Variants in ANO10 observed in about 807,000 individuals in gnomAD.
ANO10 encodes the protein anoctamin 10, also known as anoctamin-10.
A neutral mutation model predicts 74.7 loss-of-function variants in ANO10; 77 were observed. The ratio of observed to expected loss-of-function variants is 1.03; its 90% CI spans 0.86 to 1.25. The LOEUF (loss-of-function observed/expected upper bound fraction) is 1.25. Ranked by LOEUF, ANO10 falls within the 50% of genes most tolerant of loss-of-function variation. The pLI is 0.00. For missense variants in ANO10, 721 were observed against 778.1 expected, an observed-to-expected ratio of 0.93 and a Z score of 0.87; for synonymous variants, 279 against 284.9, an observed-to-expected ratio of 0.98 and a Z score of 0.21.
chr3:43,565,975 CGCGCACCGTGT>C (rs986121842), intron 7 of ANO10, among the ~76,000 whole-genome samples: 6 of 152,220 alleles, frequency 3.9e-5, no homozygotes, highest in African/African-American at 1.2e-4. Context: ...TCAGTGGGTG[CGCGCACCGTGT>C]GCGAGCCGAA....
intron 12 of ANO10, among the ~76,000 whole-genome samples, chr3:43,382,310 G>T (rs375108637): frequency 5.9e-5 from 9 of 152,244 alleles, no homozygotes; most frequent in East Asian, 3.9e-4. Context: ...ACGAGGTCAG[G>T]AGATCGAGAC....
At chr3:43,562,455 C>CAAAAAAAAAAAAAAAAAAA (rs1169816392) in intron 8 of ANO10, among the ~76,000 whole-genome samples, 16 of 69,920 alleles carry the variant, frequency 2.3e-4, no homozygotes, top group African/African-American at 4.6e-4. Flanking sequence ...CTGTCTCAAA[C>CAAAAAAAAAAAAAAAAAAA]AAAAAAAAAA....
rs1479816150 is a variant in ANO10, at chr3:43,490,012, C to A, written c.1798-57285G>T. ...CAGTATCCTTTGCATCAAAATAATG[C>A]CTTAAGGGTTCAGAAGTCCTTGAAT... On this transcript the variant is annotated intron_variant, in intron 11 of 12. Transcript: ENST00000292246. Among the ~76,000 whole-genome samples, 4 of 152,106 alleles carry A rather than the reference C, an allele frequency of 2.6e-5. No individual in the cohort carries two copies. In the East Asian group the frequency reaches 7.7e-4, roughly 29 times the overall value.
intron 1 of ANO10, among the ~76,000 whole-genome samples, chr3:43,660,310 G>C (rs2083911347): frequency 6.6e-6 from 1 of 152,164 alleles, no homozygotes; most frequent in South Asian, 2.1e-4. Flanking sequence ...CAAGCTAAAG[G>C]AGCATGTTCT....
At chr3:43,550,474 C>G (rs1198787534) in intron 10 of ANO10, among the ~76,000 whole-genome samples, 1 of 152,116 alleles carries the variant, frequency 6.6e-6, no homozygotes, top group African/African-American at 2.4e-5. Flanking sequence ...AATGTTGTGA[C>G]CATTGCTCTT....
At chr3:43,679,945 T>A (rs901882488) in intron 1 of ANO10, among the ~76,000 whole-genome samples, 8 of 151,958 alleles carry the variant, frequency 5.3e-5, no homozygotes. Flanking sequence ...TACGTCACCA[T>A]CATCAAAGAC....
chr3:43,445,840 C>G (rs1340781440), intron 11 of ANO10, among the ~76,000 whole-genome samples: 1 of 152,232 alleles, frequency 6.6e-6, no homozygotes, highest in East Asian at 1.9e-4. Flanking sequence ...GCTGGGACTA[C>G]AGGTGTGCAC....
intron 3 of ANO10, among the ~76,000 whole-genome samples, chr3:43,599,667 A>C (rs2082246628): frequency 6.6e-6 from 1 of 152,110 alleles, no homozygotes; most frequent in Non-Finnish European, 1.5e-5. Flanking sequence ...GCACTTTGGG[A>C]GGCCGAGGCA....
intron 11 of ANO10, among the ~76,000 whole-genome samples, chr3:43,490,483 G>C (rs949096849): frequency 6.6e-6 from 1 of 152,132 alleles, no homozygotes; most frequent in Non-Finnish European, 1.5e-5. Context: ...TCATAATAGT[G>C]AAGATTAAAA....
intron 12 of ANO10, among the ~76,000 whole-genome samples, chr3:43,391,065 T>C (rs539114738): frequency 6.6e-6 from 1 of 152,364 alleles, no homozygotes; most frequent in East Asian, 1.9e-4. Flanking sequence ...CCCATTTGCT[T>C]GATCACTCTC....
chr3:43,453,034 G>T (rs1446254544), intron 11 of ANO10, among the ~76,000 whole-genome samples: 2 of 152,100 alleles, frequency 1.3e-5, no homozygotes, highest in African/African-American at 2.4e-5. Context: ...TGGGTTAATT[G>T]TGAGTTTTAA....
At chr3:43,467,380 T>C (rs1435753100) in intron 11 of ANO10, among the ~76,000 whole-genome samples, 1 of 152,192 alleles carries the variant, frequency 6.6e-6, no homozygotes, top group Non-Finnish European at 1.5e-5. Context: ...AAGAAATCTA[T>C]GGTATATTCA....
chr3:43,444,365 A>T (rs532745458), intron 11 of ANO10, among the ~76,000 whole-genome samples: 1 of 152,354 alleles, frequency 6.6e-6, no homozygotes, highest in East Asian at 1.9e-4. Flanking sequence ...TGATGGTGAA[A>T]GGAAATAAAA....
At chr3:43,546,654 A>C (rs1398685086) in intron 11 of ANO10, among the ~76,000 whole-genome samples, 2 of 152,124 alleles carry the variant, frequency 1.3e-5, no homozygotes, top group African/African-American at 2.4e-5. Flanking sequence ...TTAAAAAAAA[A>C]AACACACCTC....
intron 1 of ANO10, among the ~76,000 whole-genome samples, chr3:43,637,056 G>A (rs769905614): frequency 2.0e-5 from 3 of 152,206 alleles, no homozygotes; most frequent in South Asian, 4.1e-4. Flanking sequence ...TGCAGTCCCC[G>A]CTAGCAGGAA....
intron 1 of ANO10, among the ~76,000 whole-genome samples, chr3:43,644,131 C>T (rs1166131986): frequency 6.6e-6 from 1 of 152,092 alleles, no homozygotes; most frequent in Non-Finnish European, 1.5e-5. Context: ...GTTGAAAAGG[C>T]TTTCCGTGTC....
At chr3:43,558,110 GAAAAA>G (rs781606523) in intron 9 of ANO10, among the ~76,000 whole-genome samples, 5 of 55,922 alleles carry the variant, frequency 8.9e-5, no homozygotes, top group Admixed American at 1.9e-4. Context: ...TGTCTCACCA[GAAAAA>G]AAAAAAAAAA....
chr3:43,684,035 C>T (rs780158488), intron 1 of ANO10, among the ~76,000 whole-genome samples: 1 of 152,092 alleles, frequency 6.6e-6, no homozygotes, highest in East Asian at 1.9e-4. Context: ...GACTTCATGT[C>T]TAAAACACCG....
chr3:43,387,852 T>C (rs1174617648), intron 12 of ANO10, among the ~76,000 whole-genome samples: 1 of 152,172 alleles, frequency 6.6e-6, no homozygotes, highest in African/African-American at 2.4e-5. Context: ...AGTCCTGTGG[T>C]CCACCCTGTG....
Sources: gnomAD v4.1 joint callset for allele counts (sites outside exome capture counted in the v4.1 genomes callset) on GRCh38, gnomAD v4.1.1 for gene constraint, MANE v1.5 for transcripts, NCBI Gene and HGNC (gene_info 2026-07-23, HGNC 2026-07-21) for gene names.